Variants in ADAM12 observed in about 807,000 individuals in gnomAD.
The protein encoded by ADAM12 is disintegrin and metalloproteinase domain-containing protein 12.
In ADAM12, 70 loss-of-function variants were observed where a neutral mutation model predicts 106.4. The ratio of observed to expected loss-of-function variants is 0.66; its 90% CI spans 0.54 to 0.80. ADAM12 has a LOEUF of 0.80. Ranked by LOEUF, ADAM12 falls within the 30% of genes least tolerant of loss-of-function variation. ADAM12 has a pLI of 0.00. For missense variants in ADAM12, 1,010 were observed against 1,171.9 expected, an observed-to-expected ratio of 0.86 and a Z score of 2.02; for synonymous variants, 420 against 433.5, an observed-to-expected ratio of 0.97 and a Z score of 0.39.
chr10:126,272,467 T>C (rs962827727), intron 3 of ADAM12, among the ~76,000 whole-genome samples: 1 of 151,934 alleles, frequency 6.6e-6, no homozygotes, highest in East Asian at 1.9e-4. Context: ...AGCAAGCACA[T>C]TGTCTTAATT....
At chr10:126,162,681 C>T (rs375681603) in intron 3 of ADAM12, among the ~76,000 whole-genome samples, 2 of 152,134 alleles carry the variant, frequency 1.3e-5, no homozygotes, top group South Asian at 2.1e-4. Context: ...AGCGTCCATA[C>T]AGAGCACCAG....
At chr10:126,191,105 G>A (rs1957492707) in intron 3 of ADAM12, among the ~76,000 whole-genome samples, 2 of 146,704 alleles carry the variant, frequency 1.4e-5, no homozygotes, top group Admixed American at 1.4e-4. Context: ...GGGTCCAAGT[G>A]ATTCTCATGC....
intron 17 of ADAM12, among the ~76,000 whole-genome samples, chr10:126,044,890 C>T (rs1321002849): frequency 6.6e-6 from 1 of 152,196 alleles, no homozygotes; most frequent in Admixed American, 6.5e-5. Flanking sequence ...TTCATGCCTG[C>T]CCCTCATGGC....
At chr10:126,367,767 AAT>A (rs1855962618) in intron 1 of ADAM12, among the ~76,000 whole-genome samples, 1 of 151,986 alleles carries the variant, frequency 6.6e-6, no homozygotes, top group South Asian at 2.1e-4. Context: ...ATGTTATGCC[AAT>A]ATGTTTGTTA....
At chr10:126,100,496 G>T (rs1390489744) in intron 9 of ADAM12, among the ~76,000 whole-genome samples, 2 of 149,918 alleles carry the variant, frequency 1.3e-5, no homozygotes, top group Non-Finnish European at 3.0e-5. Flanking sequence ...GAGGTCAGGA[G>T]ATTGAGACCA....
intron 3 of ADAM12, among the ~76,000 whole-genome samples, chr10:126,260,934 A>G (rs1958989308): frequency 6.6e-6 from 1 of 152,202 alleles, no homozygotes; most frequent in South Asian, 2.1e-4. Flanking sequence ...GTTTCAACCA[A>G]TTGCAGATTG....
intron 3 of ADAM12, among the ~76,000 whole-genome samples, chr10:126,263,858 G>A (rs150611335): frequency 2.1e-3 from 315 of 152,192 alleles, no homozygotes; most frequent in African/African-American, 7.1e-3. Context: ...GTAATTTATG[G>A]TCCAATATAA....
intron 14 of ADAM12, among the ~76,000 whole-genome samples, chr10:126,051,544 T>G (rs1051667161): frequency 1.5e-3 from 82 of 55,606 alleles, no homozygotes; most frequent in African/African-American, 6.1e-3. Flanking sequence ...CACCCATCCA[T>G]CCATCCATCC....
chr10:126,140,538 AGAGTT>A (rs887040363), intron 4 of ADAM12, among the ~76,000 whole-genome samples: 12 of 152,162 alleles, frequency 7.9e-5, no homozygotes, highest in Admixed American at 1.3e-4. Context: ...AGTCATTAGT[AGAGTT>A]AACAACTGAT....
intron 10 of ADAM12, 88 bp from the exon 11 acceptor site, chr10:126,094,221 TC>T (rs1344091740): frequency 1.5e-6 from 2 of 1,296,098 alleles, no homozygotes; most frequent in Admixed American, 4.5e-5. Flanking sequence ...AATATACCTT[TC>T]ATTAACATTT....
intron 8 of ADAM12, among the ~76,000 whole-genome samples, chr10:126,102,815 G>A (rs927944008): frequency 4.6e-5 from 7 of 152,212 alleles, no homozygotes; most frequent in African/African-American, 1.4e-4. Context: ...CTTCCGGGGC[G>A]AAAGTAAGTT....
chr10:126,284,282 G>C (rs1022882659), intron 2 of ADAM12, among the ~76,000 whole-genome samples: 1 of 135,574 alleles, frequency 7.4e-6, no homozygotes, highest in African/African-American at 2.8e-5. Context: ...GCAGTGAGCT[G>C]AGATCACGTC....
rs1281685300 is a variant in ADAM12, at chr10:126,057,405, A to C, written c.1609+7401T>G. Among the ~76,000 whole-genome samples, 7 of 31,868 alleles carry C rather than the reference A, an allele frequency of 2.2e-4. 3 individuals carry two copies. Among genetic ancestry groups the C allele is most frequent in the African/African-American group, 4.5e-4 (5 of 11,016 alleles). The allele number at this position is 31,868 out of a possible 152,430, so 20.9% of individuals were successfully genotyped here. ...AAAACAAAAAAACAAAAAAACAAAA[A>C]AAAAAAACAATGCTTACTCTTATCC... On this transcript the variant is annotated intron_variant, in intron 14 of 22. Coordinates refer to ENST00000448723, the MANE Select transcript of ADAM12 (RefSeq NM_001288973.2).
chr10:126,031,371 C>T (rs1219313465), intron 21 of ADAM12, among the ~76,000 whole-genome samples: 1 of 152,234 alleles, frequency 6.6e-6, no homozygotes, highest in Non-Finnish European at 1.5e-5. Flanking sequence ...CACACAGGTC[C>T]AGAAGGGCAC....
chr10:126,116,390 A>G (rs1430101004), intron 6 of ADAM12, among the ~76,000 whole-genome samples: 1 of 152,216 alleles, frequency 6.6e-6, no homozygotes, highest in Non-Finnish European at 1.5e-5. Context: ...AATCAAAGGC[A>G]AAAGCATTTG....
rs565208561 is a variant in ADAM12, at chr10:126,242,278, C to A, written c.260+36637G>T. On this transcript the variant is annotated intron_variant, in intron 3 of 22. Transcript: ENST00000448723. ...CAAGTTGTAAAAACATACTTTAAAA[C>A]CCCCTTGACATTTTAAGGAACTCCT... Among the ~76,000 whole-genome samples, 60 of 152,286 alleles carry A rather than the reference C, an allele frequency of 3.9e-4. 1 individual carries two copies. The South Asian group carries it at 9.1e-3, about 23-fold the overall frequency.
chr10:126,222,450 T>C (rs753553497), intron 3 of ADAM12, among the ~76,000 whole-genome samples: 1 of 151,186 alleles, frequency 6.6e-6, no homozygotes, highest in Non-Finnish European at 1.5e-5. Context: ...CACGGGGTGG[T>C]TGGAGGAAGA....
At chr10:126,273,751 G>A (rs748924654) in intron 3 of ADAM12, among the ~76,000 whole-genome samples, 4 of 152,018 alleles carry the variant, frequency 2.6e-5, no homozygotes, top group African/African-American at 7.3e-5. Context: ...AATATAATTC[G>A]GTAAAATAAT....
chr10:126,088,758 G>A lies in ADAM12; in HGVS notation c.1145+5227C>T, dbSNP rs371774148. Reference sequence around the variant, plus strand: ...AGAGAGAAGGCTGACCTGGGTGGAGGCCACCTAGACCTGGGGACACATCTG... The same window carrying A: ...AGAGAGAAGGCTGACCTGGGTGGAGACCACCTAGACCTGGGGACACATCTG... On this transcript the variant is annotated intron_variant, in intron 11 of 22. Transcript: ENST00000448723. Among the ~76,000 whole-genome samples, 11 of 151,680 alleles carry A rather than the reference G, an allele frequency of 7.3e-5. 1 individual carries two copies. The highest frequency in any genetic ancestry group is 2.7e-4 in the African/African-American group (11 of 41,344).
Sources: gnomAD v4.1 joint callset for allele counts (sites outside exome capture counted in the v4.1 genomes callset) on GRCh38, gnomAD v4.1.1 for gene constraint, MANE v1.5 for transcripts, NCBI Gene and HGNC (gene_info 2026-07-23, HGNC 2026-07-21) for gene names.